The following CTDP1 variants were observed in gnomAD, a reference collection of about 807,000 sequenced individuals.
CTDP1 encodes CTD phosphatase 1.
Under a neutral mutation model 91.8 loss-of-function variants are expected in CTDP1, and 47 were observed. The ratio of observed to expected loss-of-function variants is 0.51; its 90% CI spans 0.41 to 0.65. The LOEUF (loss-of-function observed/expected upper bound fraction) is 0.65, where lower values mean the gene tolerates loss of function less well. CTDP1 is among the 30% of genes least tolerant of loss of function. The pLI is 0.00. For missense variants in CTDP1, 1,272 were observed against 1,373.7 expected (o/e 0.93, Z 1.17); for synonymous variants, 656 against 598.5 (o/e 1.10, Z -1.40).
rs750440565 is a variant in CTDP1 at position 79,680,109 on chromosome 18, C to T, written c.162C>T (p.Ala54=). The T allele has an allele frequency of 4.2e-6, 6 of 1,416,884 alleles. No homozygotes were observed. In the East Asian group the frequency reaches 9.5e-5, roughly 22 times the overall value. 87.8% of individuals were successfully genotyped at this position (1,416,884 alleles called of 1,614,324 possible). Reference sequence around the variant, plus strand: ...GCTCGGTGCTGGCCGTGTTCGAGGCCGCCGCCTCCGCGCAGTCCTCCGGGG... The same window carrying T: ...GCTCGGTGCTGGCCGTGTTCGAGGCTGCCGCCTCCGCGCAGTCCTCCGGGG... ...RIGSVLAVFE[A]AASAQSSGAS... The change falls in exon 1 of 13, where the codon GCC becomes GCT. Residue 54 remains alanine (A), a synonymous_variant. Coordinates refer to ENST00000613122, the MANE Select transcript of CTDP1 (RefSeq NM_004715.5).
chr18:79,710,472 C>T (rs958661135), intron 6 of CTDP1, 36 bp downstream of exon 6: 2 of 1,424,226 alleles, frequency 1.4e-6, no homozygotes, highest in Non-Finnish European at 2.0e-6. Context: ...AAAGACCTCG[C>T]TGTTCATTTC....
At chr18:79,704,986 C>G (rs898072791) in intron 5 of CTDP1, 69 bp downstream of exon 5, 3 of 1,602,040 alleles carry the variant, frequency 1.9e-6, no homozygotes. Context: ...GTGATGGTTT[C>G]TTAAAGATGA....
intron 12 of CTDP1, among the ~76,000 whole-genome samples, chr18:79,738,560 C>T (rs755816698): frequency 3.3e-5 from 5 of 152,246 alleles, no homozygotes; most frequent in African/African-American, 4.8e-5. Context: ...ACAGTGCAGA[C>T]TGCTTTCTTT....
chr18:79,719,816 G>A (rs1025921297), intron 10 of CTDP1, among the ~76,000 whole-genome samples: 1 of 146,454 alleles, frequency 6.8e-6, no homozygotes, highest in Non-Finnish European at 1.5e-5. Context: ...ATTGTGTCCT[G>A]GTGATGATGT....
intron 5 of CTDP1, among the ~76,000 whole-genome samples, chr18:79,707,339 C>T (rs966606512): frequency 1.3e-5 from 2 of 152,194 alleles, no homozygotes; most frequent in African/African-American, 4.8e-5. Flanking sequence ...TGGAGGGAGC[C>T]TGGGAGCTGC....
At chr18:79,705,097 G>A (rs2085940407) in intron 5 of CTDP1, among the ~76,000 whole-genome samples, 180 bp downstream of exon 5, 1 of 152,206 alleles carries the variant, frequency 6.6e-6, no homozygotes, top group African/African-American at 2.4e-5. Flanking sequence ...CAGGGCTGTT[G>A]GGTGGGGCCG....
intron 1 of CTDP1, among the ~76,000 whole-genome samples, chr18:79,684,439 T>C (rs1428196801): frequency 6.6e-6 from 1 of 152,146 alleles, no homozygotes; most frequent in East Asian, 1.9e-4. Context: ...CTGTGAAACC[T>C]CCCTCTATAA....
At chr18:79,677,005 A>G (rs1487321192), upstream of CTDP1, among the ~76,000 whole-genome samples, 1 of 152,242 alleles carries the variant, frequency 6.6e-6, no homozygotes, top group African/African-American at 2.4e-5. Context: ...CTGTCTACCT[A>G]GATCAGTCTG....
At chr18:79,689,463 TCTC>T (rs995936747) in intron 1 of CTDP1, among the ~76,000 whole-genome samples, 3 of 152,058 alleles carry the variant, frequency 2.0e-5, no homozygotes, top group African/African-American at 7.2e-5. Flanking sequence ...CAGCATTTCT[TCTC>T]CACTTTTTGG....
chr18:79,747,429 G>A (rs1361330462), intron 12 of CTDP1, among the ~76,000 whole-genome samples: 5 of 152,220 alleles, frequency 3.3e-5, no homozygotes, highest in South Asian at 2.1e-4. Context: ...GGAGGGCACC[G>A]CTGGCTCTCC....
chr18:79,742,062 G>A (rs1324535738), intron 12 of CTDP1, among the ~76,000 whole-genome samples: 1 of 151,748 alleles, frequency 6.6e-6, no homozygotes, highest in Non-Finnish European at 1.5e-5. Flanking sequence ...CCCAGAGGAA[G>A]CATGAGGCGT....
At chr18:79,707,654 T>C (rs1329643710) in intron 5 of CTDP1, among the ~76,000 whole-genome samples, 1 of 152,156 alleles carries the variant, frequency 6.6e-6, no homozygotes, top group Non-Finnish European at 1.5e-5. Flanking sequence ...ATGCAGAAAT[T>C]CTCAACAGAA....
chr18:79,698,217 C>A lies in CTDP1; in HGVS notation c.621+229C>A, dbSNP rs141414048. 2.7e-3 allele frequency among the ~76,000 whole-genome samples: 409 copies of A among 152,330 alleles called. 2 individuals carry two copies. Among genetic ancestry groups the A allele is most frequent in the Non-Finnish European group, 4.8e-3 (329 of 68,026 alleles). On this transcript the variant is annotated intron_variant, in intron 4 of 12. Transcript: ENST00000613122. ...GCCCACTGTGTCTCACGCTTCCTTC[C>A]GTGTGTGTGGGAACCCTTTGTGTGC... is the stretch of plus-strand genomic sequence containing the variant.
At chr18:79,734,781 A>C (rs554001244) in intron 11 of CTDP1, among the ~76,000 whole-genome samples, 2 of 152,234 alleles carry the variant, frequency 1.3e-5, no homozygotes, top group Non-Finnish European at 2.9e-5. Context: ...TTGCCATCGA[A>C]ACAGTAAATT....
intron 10 of CTDP1, among the ~76,000 whole-genome samples, chr18:79,727,001 G>T: frequency 6.6e-6 from 1 of 150,632 alleles, no homozygotes; most frequent in Admixed American, 6.6e-5. Context: ...GCCGTTGCTG[G>T]TGGACAGCTG....
At chr18:79,693,733 A>G (rs536221825) in intron 1 of CTDP1, among the ~76,000 whole-genome samples, 1 of 152,122 alleles carries the variant, frequency 6.6e-6, no homozygotes, top group Non-Finnish European at 1.5e-5. Context: ...TTCCTCCTCC[A>G]GGGTGATCCG....
intron 1 of CTDP1, among the ~76,000 whole-genome samples, chr18:79,692,998 C>T (rs941798071): frequency 3.9e-5 from 6 of 152,168 alleles, no homozygotes; most frequent in Non-Finnish European, 8.8e-5. Context: ...GCGGTGGGGC[C>T]GCAGAGCCCT....
chr18:79,732,638 T>G (rs1568210441), intron 11 of CTDP1, among the ~76,000 whole-genome samples: 1 of 145,762 alleles, frequency 6.9e-6, no homozygotes, highest in Non-Finnish European at 1.5e-5. Flanking sequence ...GCTCCCAAAA[T>G]CACGTGAGAC....
chr18:79,686,400 A>G (rs1298879313), intron 1 of CTDP1, among the ~76,000 whole-genome samples: 1 of 152,238 alleles, frequency 6.6e-6, no homozygotes, highest in East Asian at 1.9e-4. Flanking sequence ...AGTGCTTTTT[A>G]TATTTTCAGG....
Sources: gnomAD v4.1 joint callset for allele counts (sites outside exome capture counted in the v4.1 genomes callset) on GRCh38, gnomAD v4.1.1 for gene constraint, MANE v1.5 for transcripts, NCBI Gene and HGNC (gene_info 2026-07-23, HGNC 2026-07-21) for gene names.